The following SYNE1 variants were observed in gnomAD, a reference collection of about 807,000 sequenced individuals.
SYNE1 encodes nesprin-1.
SYNE1 carries 616 observed loss-of-function variants against 1,111.0 expected under a neutral mutation model. That is an observed-to-expected ratio of 0.55 (90% CI 0.52 to 0.59). The LOEUF is 0.59. Ranked by LOEUF, SYNE1 falls within the 20% of genes least tolerant of loss-of-function variation. The probability of loss-of-function intolerance (pLI) is 0.00; values close to 1 mark genes in which losing one functional copy is unlikely to be tolerated. For synonymous variants in SYNE1, 3,855 were observed against 3,825.8 expected (o/e 1.01, Z -0.28); for missense variants, 10,006 against 10,417.0 (o/e 0.96, Z 1.72).
At chr6:152,417,071 G>C in intron 40 of SYNE1, 56 bp from the exon 41 acceptor site, 1 of 1,606,590 alleles carries the variant, frequency 6.2e-7, no homozygotes, top group Non-Finnish European at 8.5e-7. Flanking sequence ...CTATGGCAGA[G>C]GTATTTTACA....
chr6:152,326,974 G>C (rs1454046314), intron 78 of SYNE1, among the ~76,000 whole-genome samples: 3 of 152,196 alleles, frequency 2.0e-5, no homozygotes, highest in African/African-American at 4.8e-5. Context: ...TTATCAAAGT[G>C]CAGTAATGTC....
chr6:152,473,346 T>G (rs1426025251), intron 14 of SYNE1, among the ~76,000 whole-genome samples: 1 of 152,200 alleles, frequency 6.6e-6, no homozygotes, highest in Non-Finnish European at 1.5e-5. Flanking sequence ...TACTAAAATT[T>G]AGCAAATTAG....
intron 117 of SYNE1, among the ~76,000 whole-genome samples, chr6:152,223,156 T>A (rs986799674): frequency 4.6e-5 from 7 of 152,238 alleles, no homozygotes; most frequent in Non-Finnish European, 7.3e-5. Context: ...ACATAACATA[T>A]ATTAAATTAA....
intron 130 of SYNE1, 100 bp downstream of exon 130, chr6:152,176,294 G>T: frequency 6.6e-7 from 1 of 1,520,312 alleles, no homozygotes; most frequent in Non-Finnish European, 9.1e-7. Flanking sequence ...AACCCAGGAA[G>T]AGAGACTGAT....
chr6:152,369,132 A>C lies in SYNE1; in HGVS notation c.9652-5T>G. 6.2e-7 allele frequency: 1 copy of C among 1,612,816 alleles called. No individual in the cohort carries two copies. The highest frequency in any genetic ancestry group is 8.5e-7 in the Non-Finnish European group (1 of 1,180,024). On this transcript the variant is annotated splice_region_variant and splice_polypyrimidine_tract_variant and intron_variant, in intron 60 of 145. Coordinates refer to ENST00000367255, the MANE Select transcript of SYNE1 (RefSeq NM_182961.4). ...GTGTATTTCCTCAAGGACAGACTGAAAAGCACAAGCAAGTTACTATTCAGA... is the reference window on the plus strand; with the variant it reads ...GTGTATTTCCTCAAGGACAGACTGACAAGCACAAGCAAGTTACTATTCAGA...
chr6:152,516,447 C>T (rs184379945), intron 6 of SYNE1, among the ~76,000 whole-genome samples: 8 of 152,260 alleles, frequency 5.3e-5, no homozygotes, highest in African/African-American at 1.2e-4. Context: ...TTAAAGTTTT[C>T]GCCAAGGCTT....
At chr6:152,577,807 G>A (rs942270752) in intron 3 of SYNE1, among the ~76,000 whole-genome samples, 1 of 151,412 alleles carries the variant, frequency 6.6e-6, no homozygotes, top group Non-Finnish European at 1.5e-5. Flanking sequence ...AGATTTGTAA[G>A]CAATATGCCA....
intron 3 of SYNE1, among the ~76,000 whole-genome samples, chr6:152,615,428 A>ATTT (rs34364170): frequency 3.7e-4 from 56 of 151,076 alleles, no homozygotes; most frequent in East Asian, 5.8e-4. Flanking sequence ...TCTTGAAACT[A>ATTT]TTTTTTTTTA....
intron 56 of SYNE1, among the ~76,000 whole-genome samples, chr6:152,377,755 A>AG (rs2097323705): frequency 6.9e-6 from 1 of 144,478 alleles, no homozygotes; most frequent in South Asian, 2.2e-4. Flanking sequence ...ATAATCCATG[A>AG]GTCTGGTTTA....
At chr6:152,399,208 G>A (rs1200676265) in intron 48 of SYNE1, among the ~76,000 whole-genome samples, 1 of 152,146 alleles carries the variant, frequency 6.6e-6, no homozygotes, top group Admixed American at 6.5e-5. Flanking sequence ...TGGACCCTAT[G>A]GCTGCCCTGT....
intron 62 of SYNE1, 162 bp downstream of exon 62, chr6:152,367,056 T>A (rs2097094144): frequency 1.2e-6 from 1 of 852,430 alleles, no homozygotes; most frequent in Non-Finnish European, 2.0e-6. Flanking sequence ...ATTCAGGAAT[T>A]CTCTGGCATG....
chr6:152,482,957 G>T, intron 14 of SYNE1, 128 bp downstream of exon 14: 1 of 1,031,034 alleles, frequency 9.7e-7, no homozygotes, highest in Non-Finnish European at 1.5e-6. Context: ...CTCTAAGAAG[G>T]TGTGACGTCT....
chr6:152,135,258 G>A lies in SYNE1; in HGVS notation c.25660-26C>T, dbSNP rs367714365. On this transcript the variant is annotated intron_variant, in intron 141 of 145. Transcript: ENST00000367255. Reference sequence around the variant, plus strand: ...CTACAGAAAACAGTTTAAAGTAACTGTAAATAAAATATTTTTATTTCTCTC... The same window carrying A: ...CTACAGAAAACAGTTTAAAGTAACTATAAATAAAATATTTTTATTTCTCTC... The A allele has an allele frequency of 3.4e-5, 54 of 1,609,300 alleles. No homozygotes were observed. The African/African-American group carries it at 6.8e-4, about 20-fold the overall frequency.
At chr6:152,279,680 G>A (rs1344425706) in intron 97 of SYNE1, among the ~76,000 whole-genome samples, 4 of 144,842 alleles carry the variant, frequency 2.8e-5, no homozygotes, top group Non-Finnish European at 5.9e-5. Flanking sequence ...TTGCACCACT[G>A]CTCTCCAGCC....
At position 152,323,600 on chromosome 6, in the gene SYNE1, C is replaced by T. The variant is rs1249534662; in HGVS notation, c.15795G>A (p.Gln5265=). The T allele has an allele frequency of 6.2e-7, 1 of 1,614,124 alleles. No homozygotes were observed. Among genetic ancestry groups the T allele is most frequent in the African/African-American group, 1.3e-5 (1 of 74,942 alleles). ...DTFVLELEQQ[Q]SALGMLRQQT... The stretch of plus-strand genomic sequence containing the variant: ...GCTGCCGCAGCATGCCCAAGGCCGA[C>T]TGCTGCTGCTCCAGCTCCAGAACGA... Residue 5265 remains glutamine, a synonymous_variant, in exon 82 of 146, where the codon CAG becomes CAA. Coordinates refer to ENST00000367255, the MANE Select transcript of SYNE1 (RefSeq NM_182961.4).
At position 152,353,368 on chromosome 6, in the gene SYNE1, G is replaced by A. The variant is rs1486411029; in HGVS notation, c.11148C>T (p.Ser3716=). The A allele has an allele frequency of 3.1e-6, 5 of 1,614,064 alleles. No homozygotes were observed. In the East Asian group the frequency reaches 8.9e-5, roughly 29 times the overall value. The part of the protein sequence containing the change: ...SLEESESSLS[S]YSDWYGSTHK... ...GAGTAGAGCCATACCAATCAGAATAGGAACTGAGGGATGATTCTGATTCCT... is the reference window on the plus strand; with the variant it reads ...GAGTAGAGCCATACCAATCAGAATAAGAACTGAGGGATGATTCTGATTCCT... Residue 3716 remains serine, a synonymous_variant, in exon 69 of 146, where the codon TCC becomes TCT. Transcript: ENST00000367255.
At position 152,376,615 on chromosome 6, in the gene SYNE1, T is replaced by A. The variant is rs1591447554; in HGVS notation, c.9147-57A>T. 5 of 1,599,708 alleles carry A rather than the reference T, an allele frequency of 3.1e-6. No individual in the cohort carries two copies. In the African/African-American group the frequency reaches 4.0e-5, roughly 13 times the overall value. On this transcript the variant is annotated intron_variant, in intron 57 of 145. Coordinates refer to ENST00000367255, the MANE Select transcript of SYNE1 (RefSeq NM_182961.4). ...GAAAAAGCGATAAAGTTGATGAAAA[T>A]CATGTTTGATAGAATCACCAGTTCT...
intron 59 of SYNE1, 29 bp from the exon 60 acceptor site, chr6:152,369,643 A>G (rs1231705094): frequency 1.2e-6 from 2 of 1,613,602 alleles, no homozygotes; most frequent in Admixed American, 1.7e-5. Flanking sequence ...TGTCCAGGAC[A>G]AGAAAATATT....
intron 3 of SYNE1, among the ~76,000 whole-genome samples, chr6:152,611,901 G>A (rs1209654210): frequency 1.3e-5 from 2 of 151,688 alleles, no homozygotes; most frequent in Non-Finnish European, 2.9e-5. Context: ...ATGACTGCTG[G>A]GTAAATAACA....
Sources: allele counts gnomAD v4.1 joint callset (sites outside exome capture counted in the v4.1 genomes callset), GRCh38; gene constraint gnomAD v4.1.1; transcripts MANE v1.5; gene names NCBI Gene and HGNC (gene_info 2026-07-23, HGNC 2026-07-21).